The following MED14 variants were observed in gnomAD, a reference collection of about 807,000 sequenced individuals.
The protein encoded by MED14 is mediator complex subunit 14.
MED14 carries 8 observed loss-of-function variants against 109.0 expected under a neutral mutation model. That is an observed-to-expected ratio of 0.07 (90% CI 0.04 to 0.13). MED14 has a LOEUF of 0.13. MED14 is among the 10% of genes least tolerant of loss of function. The pLI, the probability that MED14 is intolerant of heterozygous loss-of-function variation, is 1.00. For synonymous variants in MED14, 399 were observed against 408.7 expected (o/e 0.98, Z 0.29); for missense variants, 711 against 1,142.4 (o/e 0.62, Z 5.44).
Position 40,681,015 on chromosome X carries a change from G to C in MED14, c.2458-105C>G, listed in dbSNP as rs749256949. On this transcript the variant is annotated intron_variant, in intron 19 of 30. Coordinates refer to ENST00000324817, the MANE Select transcript of MED14 (RefSeq NM_004229.4). ...AGGCAAAACGCCAAAAATCTAAATGGAATTTTTTTTTGGAAAACAAGCAAT... is the reference window on the plus strand; with the variant it reads ...AGGCAAAACGCCAAAAATCTAAATGCAATTTTTTTTTGGAAAACAAGCAAT... 2.4e-5 allele frequency: 14 copies of C among 578,861 alleles called. No homozygotes were observed. In the Admixed American group the frequency reaches 5.7e-4, roughly 24 times the overall value. 47.7% of individuals were successfully genotyped at this position (578,861 alleles called of 1,213,427 possible). A position where few individuals can be genotyped will look rare whatever the true frequency, so the allele number is the denominator to read the frequency against.
At chrX:40,727,251 T>C (rs904503012) in intron 2 of MED14, among the ~76,000 whole-genome samples, 6 of 111,790 alleles carry the variant, frequency 5.4e-5, no homozygotes, top group African/African-American at 1.9e-4. Context: ...AGTAAGTAAT[T>C]AGTAACCCTT....
intron 2 of MED14, among the ~76,000 whole-genome samples, chrX:40,727,511 TACTC>T (rs768304786): frequency 3.6e-5 from 4 of 111,895 alleles, no homozygotes; most frequent in Middle Eastern, 4.2e-3. Flanking sequence ...TTTTATCCTA[TACTC>T]ACTATTATTA....
intron 16 of MED14, among the ~76,000 whole-genome samples, chrX:40,683,757 C>T (rs767856385): frequency 1.8e-5 from 2 of 111,794 alleles, no homozygotes; most frequent in African/African-American, 6.5e-5. Flanking sequence ...CCCCACTTTG[C>T]CACCTCCTCC....
intron 20 of MED14, 55 bp downstream of exon 20, chrX:40,680,703 C>A: frequency 9.4e-7 from 1 of 1,059,163 alleles, no homozygotes; most frequent in East Asian, 3.1e-5. Context: ...CAGGTGTGAA[C>A]CAGCACGGCT....
At chrX:40,675,642 A>G (rs1407348205) in intron 21 of MED14, among the ~76,000 whole-genome samples, 1 of 112,007 alleles carries the variant, frequency 8.9e-6, no homozygotes, top group African/African-American at 3.2e-5. Context: ...TCAGATCATA[A>G]TATTTTCTTA....
At position 40,649,786 on chromosome X, in the gene MED14, T is replaced by A. The variant is rs1032307146; in HGVS notation, c.*2020A>T. 1.5e-4 allele frequency: 121 copies of A among 806,453 alleles called. 1 individual carries two copies. The highest frequency in any genetic ancestry group is 7.2e-4 in the Middle Eastern group (2 of 2,768). The allele number at this position is 806,453 out of a possible 1,213,427, so 66.5% of individuals were successfully genotyped here. A position where few individuals can be genotyped will look rare whatever the true frequency, so the allele number is the denominator to read the frequency against. On this transcript the variant is annotated 3_prime_UTR_variant, in exon 31 of 31. Transcript: ENST00000324817. ...TCAATTCCAAGTACCAAGCATAATATAAAAATTCAAATTCATGGGTTTACT... is the reference window on the plus strand; with the variant it reads ...TCAATTCCAAGTACCAAGCATAATAAAAAAATTCAAATTCATGGGTTTACT...
intron 13 of MED14, among the ~76,000 whole-genome samples, chrX:40,695,520 T>C (rs1450121401): frequency 8.9e-6 from 1 of 112,432 alleles, no homozygotes; most frequent in African/African-American, 3.2e-5. Context: ...TGCTTTATAA[T>C]AGATCACTGG....
At chrX:40,729,868 AT>A (rs1242947456) in intron 1 of MED14, among the ~76,000 whole-genome samples, 2 of 112,312 alleles carry the variant, frequency 1.8e-5, no homozygotes, top group African/African-American at 3.2e-5. Flanking sequence ...AAAAATTTTT[AT>A]TGCTTTTAAA....
Position 40,735,453 on chromosome X carries a change from G to T in MED14, c.-41C>A, listed in dbSNP as rs1020463506. 1 of 1,099,439 alleles carries T rather than the reference G, an allele frequency of 9.1e-7. No individual in the cohort carries two copies. The allele number at this position is 1,099,439 out of a possible 1,213,427, so 90.6% of individuals were successfully genotyped here. On this transcript the variant is annotated 5_prime_UTR_variant, in exon 1 of 31. Transcript: ENST00000324817. ...GGCTTGGCGCAACGGCACACGATGC[G>T]GTCCTCGAGCCTCCCGGGCGCTCGG...
At chrX:40,680,554 G>T (rs185686709) in intron 20 of MED14, among the ~76,000 whole-genome samples, 17 of 111,086 alleles carry the variant, frequency 1.5e-4, no homozygotes, top group African/African-American at 5.2e-4. Flanking sequence ...AAGTAGCTGG[G>T]ACTACAGGCG....
chrX:40,673,523 C>A (rs1393134377), intron 22 of MED14, among the ~76,000 whole-genome samples: 1 of 111,791 alleles, frequency 8.9e-6, no homozygotes, highest in Admixed American at 9.5e-5. Context: ...TTGCTCTTAG[C>A]CAAATCAGAA....
At chrX:40,727,021 A>G (rs1302106120) in intron 2 of MED14, among the ~76,000 whole-genome samples, 170 bp from the exon 3 acceptor site, 2 of 112,327 alleles carry the variant, frequency 1.8e-5, no homozygotes, top group African/African-American at 6.5e-5. Flanking sequence ...CACATTTTGT[A>G]TATTATCTGC....
chrX:40,682,556 C>CT lies in MED14; in HGVS notation c.2365+46dup, dbSNP rs373513326. The CT allele has an allele frequency of 6.8e-3, 5,298 of 784,066 alleles. 1 individual carries two copies. The highest frequency in any genetic ancestry group is 8.9e-3 in the African/African-American group (384 of 43,258). 64.6% of individuals were successfully genotyped at this position (784,066 alleles called of 1,213,427 possible). A position where few individuals can be genotyped will look rare whatever the true frequency, so the allele number is the denominator to read the frequency against. The stretch of plus-strand genomic sequence containing the variant: ...ACTTCAGTTAAAAAAAGGGTGAGGG[C>CT]TTTTTTTTTTTAATTTATTTAAAAA... On this transcript the variant is annotated intron_variant, in intron 18 of 30. Coordinates refer to ENST00000324817, the MANE Select transcript of MED14 (RefSeq NM_004229.4).
chrX:40,727,949 G>A (rs1039639797), intron 2 of MED14, among the ~76,000 whole-genome samples: 2 of 111,996 alleles, frequency 1.8e-5, no homozygotes, highest in Non-Finnish European at 3.8e-5. Context: ...TTAAAAATCG[G>A]CCAGCAATAT....
In MED14 at chrX:40,710,192, T is replaced by C. The variant is rs1931287934; in HGVS notation, c.1023-63A>G. On this transcript the variant is annotated intron_variant, in intron 8 of 30. Transcript: ENST00000324817. ...CAGTCTGTTAACTTCTAGAATAAAA[T>C]AGAGACAATCCATTGTGCAGTTTAG... 5.0e-6 allele frequency: 4 copies of C among 796,471 alleles called. No homozygotes were observed. The African/African-American group carries it at 6.5e-5, about 13-fold the overall frequency. 65.6% of individuals were successfully genotyped at this position (796,471 alleles called of 1,213,427 possible).
At chrX:40,724,929 A>T (rs933579173) in intron 3 of MED14, among the ~76,000 whole-genome samples, 1 of 111,724 alleles carries the variant, frequency 9.0e-6, no homozygotes, top group Non-Finnish European at 1.9e-5. Flanking sequence ...ACTCACAAAG[A>T]AAAAAAGGGA....
At chrX:40,725,912 T>C (rs1317653345) in intron 3 of MED14, among the ~76,000 whole-genome samples, 2 of 111,870 alleles carry the variant, frequency 1.8e-5, no homozygotes, top group Non-Finnish European at 1.9e-5. Context: ...GCAGATGATA[T>C]GATCTTATAT....
rs1161521604 is a variant in MED14, at chrX:40,712,934, A to G, written c.761T>C (p.Val254Ala). 8.4e-7 allele frequency: 1 copy of G among 1,183,879 alleles called. No homozygotes were observed. Among genetic ancestry groups the G allele is most frequent in the Non-Finnish European group, 1.1e-6 (1 of 876,949 alleles). Reference protein sequence around the residue: ...PWRLLKLEILVEDKETGDGRA... With the variant: ...PWRLLKLEILAEDKETGDGRA... ...TTTACCTCCTGTTTCCTTATCCTCAACTAGAATTTCTAGCTTGAGAAGACG... is the reference window on the plus strand; with the variant it reads ...TTTACCTCCTGTTTCCTTATCCTCAGCTAGAATTTCTAGCTTGAGAAGACG... Residue 254 changes from valine to alanine, a missense_variant, in exon 6 of 31, where the codon GTT (valine) becomes GCT (alanine). Val to Ala is a moderately conservative substitution (Grantham distance 64). Around this residue, in one of 8 missense-constraint regions of MED14, gnomAD observed 388 missense variants for 517.3 expected, o/e 0.75. Coordinates refer to ENST00000324817, the MANE Select transcript of MED14 (RefSeq NM_004229.4).
chrX:40,731,393 C>T (rs1312260983), intron 1 of MED14, among the ~76,000 whole-genome samples: 1 of 111,463 alleles, frequency 9.0e-6, no homozygotes, highest in Non-Finnish European at 1.9e-5. Context: ...ATACCTCGAA[C>T]ACTGGCTCTA....
Sources: allele counts gnomAD v4.1 joint callset (sites outside exome capture counted in the v4.1 genomes callset), GRCh38; gene constraint gnomAD v4.1.1; regional missense constraint gnomAD v4.1.1; transcripts MANE v1.5; gene names NCBI Gene and HGNC (gene_info 2026-07-23, HGNC 2026-07-21).